GLYATL2: variants seen among roughly 807,000 people sequenced by gnomAD.
GLYATL2 encodes glycine N-acyltransferase-like protein 2.
In GLYATL2, 25 loss-of-function variants were observed where a neutral mutation model predicts 21.4. The observed-to-expected ratio is 1.17, with a 90% CI of 0.85 to 1.63. GLYATL2 has a LOEUF of 1.63. Ranked by LOEUF, GLYATL2 falls within the 40% of genes most tolerant of loss-of-function variation. GLYATL2 has a pLI of 0.00. For synonymous variants in GLYATL2, 114 were observed against 118.2 expected (o/e 0.96, Z 0.23); for missense variants, 361 against 343.3 (o/e 1.05, Z -0.41).
chr11:58,903,721 A>G (rs1854781576), intron 1 of GLYATL2, among the ~76,000 whole-genome samples: 1 of 152,172 alleles, frequency 6.6e-6, no homozygotes, highest in African/African-American at 2.4e-5. Context: ...AATGGCCAAC[A>G]TTACCATCAT....
intron 1 of GLYATL2, among the ~76,000 whole-genome samples, chr11:58,872,643 T>C (rs940722693): frequency 5.9e-5 from 9 of 152,260 alleles, no homozygotes; most frequent in Non-Finnish European, 1.0e-4. Context: ...CATTGATCTA[T>C]GTCTCTGTTT....
At chr11:58,854,442 G>A (rs995959286) in intron 1 of GLYATL2, among the ~76,000 whole-genome samples, 7 of 152,150 alleles carry the variant, frequency 4.6e-5, no homozygotes, top group African/African-American at 1.4e-4. Context: ...GTGTCCAATT[G>A]CATTATGTCT....
Position 58,861,178 on chromosome 11 carries a change from C to T in GLYATL2, n.61-22810G>A, listed in dbSNP as rs576127963. The stretch of plus-strand genomic sequence containing the variant: ...TTTAGAAAGATTGACATTAGTTCTT[C>T]TTTAAATGTTTGGTGGAATTCAGCA... On this transcript the variant is annotated intron_variant and non_coding_transcript_variant, in intron 1 of 4. Coordinates refer to the GLYATL2 transcript ENST00000533636. 2.0e-5 allele frequency among the ~76,000 whole-genome samples: 3 copies of T among 152,120 alleles called. No homozygotes were observed. The East Asian group carries it at 5.8e-4, about 29-fold the overall frequency.
intron 1 of GLYATL2, among the ~76,000 whole-genome samples, chr11:58,891,902 G>A (rs1340740643): frequency 2.6e-5 from 4 of 152,174 alleles, no homozygotes; most frequent in Non-Finnish European, 5.9e-5. Context: ...GTGCAGTTGA[G>A]TGGGTAGAAA....
rs534775079 is a variant in GLYATL2, at chr11:58,840,384, T to C, written c.-40-732A>G. ...ATAATATACTGTATATAAGATATAA[T>C]ACAAAATTCATTATGAAGAAATGAT... On this transcript the variant is annotated intron_variant, in intron 1 of 5. Transcript: ENST00000287275. Among the ~76,000 whole-genome samples, 5 of 152,176 alleles carry C rather than the reference T, an allele frequency of 3.3e-5. No individual in the cohort carries two copies. The South Asian group carries it at 6.2e-4, about 19-fold the overall frequency.
intron 1 of GLYATL2, among the ~76,000 whole-genome samples, chr11:58,902,076 A>G (rs1854749754): frequency 6.6e-6 from 1 of 152,138 alleles, no homozygotes; most frequent in Admixed American, 6.5e-5. Flanking sequence ...TACGGGGTCT[A>G]TATGGGAAGT....
At chr11:58,872,815 T>C (rs1029699852) in intron 1 of GLYATL2, among the ~76,000 whole-genome samples, 2 of 152,394 alleles carry the variant, frequency 1.3e-5, no homozygotes, top group Middle Eastern at 3.4e-3. Flanking sequence ...TTTCCAATTC[T>C]GTGAAGAAAG....
chr11:58,852,943 C>T (rs1382370915), intron 1 of GLYATL2, among the ~76,000 whole-genome samples: 1 of 152,172 alleles, frequency 6.6e-6, no homozygotes, highest in Non-Finnish European at 1.5e-5. Context: ...CAGTGAAGTG[C>T]TTGTAACCAA....
chr11:58,877,256 C>G (rs183167198), intron 1 of GLYATL2, among the ~76,000 whole-genome samples: 235 of 152,308 alleles, frequency 1.5e-3, no homozygotes, highest in African/African-American at 5.5e-3. Context: ...GATGCCTCGC[C>G]CTGCTTTGGC....
intron 1 of GLYATL2, among the ~76,000 whole-genome samples, chr11:58,855,904 A>T (rs993373789): frequency 2.0e-5 from 3 of 152,072 alleles, no homozygotes; most frequent in African/African-American, 7.2e-5. Context: ...TTGGTGGATC[A>T]CCTGAGGTCA....
rs191018733 is a variant in GLYATL2, at chr11:58,880,639, A to G, written n.60+23517T>C. On this transcript the variant is annotated intron_variant and non_coding_transcript_variant, in intron 1 of 4. Transcript: ENST00000533636. Reference sequence around the variant, plus strand: ...CAAAGAAAGCTCTGTTGGAGGTGGGAAAAAAAAAGACCAGGTTTTTTGTTT... The same window carrying G: ...CAAAGAAAGCTCTGTTGGAGGTGGGGAAAAAAAAGACCAGGTTTTTTGTTT... Among the ~76,000 whole-genome samples, 1,415 of 151,726 alleles carry G rather than the reference A, an allele frequency of 9.3e-3. 13 individuals are homozygous for G. The highest frequency in any genetic ancestry group is 0.013 in the Non-Finnish European group (871 of 67,840).
intron 1 of GLYATL2, among the ~76,000 whole-genome samples, chr11:58,854,693 T>TG (rs201019562): frequency 4.5e-4 from 2 of 4,462 alleles, no homozygotes; most frequent in Non-Finnish European, 0.018. Flanking sequence ...TTGTCTGAAA[T>TG]CAAAATGCTA....
chr11:58,884,062 G>A (rs532171226), intron 1 of GLYATL2, among the ~76,000 whole-genome samples: 8 of 152,148 alleles, frequency 5.3e-5, no homozygotes, highest in South Asian at 2.1e-4. Flanking sequence ...TTGATGGGAT[G>A]AATCTCAAAA....
chr11:58,895,484 G>A (rs1854618923), intron 1 of GLYATL2, among the ~76,000 whole-genome samples: 1 of 152,162 alleles, frequency 6.6e-6, no homozygotes, highest in Non-Finnish European at 1.5e-5. Context: ...GATCTAGCAA[G>A]GTAAGTTTCC....
At chr11:58,883,108 T>G (rs1423281590) in intron 1 of GLYATL2, among the ~76,000 whole-genome samples, 1 of 152,242 alleles carries the variant, frequency 6.6e-6, no homozygotes, top group Non-Finnish European at 1.5e-5. Flanking sequence ...ATTGATAGCT[T>G]TATGGGGATG....
upstream of GLYATL2, among the ~76,000 whole-genome samples, chr11:58,845,221 T>G (rs895173420): frequency 6.6e-6 from 1 of 152,202 alleles, no homozygotes; most frequent in Non-Finnish European, 1.5e-5. Flanking sequence ...CCTGGCAATC[T>G]GTATGTTATA....
At chr11:58,897,234 T>G (rs1179478378) in intron 1 of GLYATL2, among the ~76,000 whole-genome samples, 2 of 152,182 alleles carry the variant, frequency 1.3e-5, no homozygotes, top group Non-Finnish European at 2.9e-5. Context: ...AAGGGATGAT[T>G]TCCTCCTTCC....
chr11:58,878,134 C>T (rs1854271580), intron 1 of GLYATL2, among the ~76,000 whole-genome samples: 1 of 152,142 alleles, frequency 6.6e-6, no homozygotes, highest in African/African-American at 2.4e-5. Context: ...TTGTTTTGAC[C>T]ACAAGTCACC....
intron 1 of GLYATL2, among the ~76,000 whole-genome samples, chr11:58,883,043 T>C (rs1429773239): frequency 1.3e-5 from 2 of 152,246 alleles, no homozygotes; most frequent in Admixed American, 1.3e-4. Flanking sequence ...ATGCAGGTTC[T>C]TTTTTGATTG....
Sources: allele counts gnomAD v4.1 joint callset (sites outside exome capture counted in the v4.1 genomes callset), GRCh38; gene constraint gnomAD v4.1.1; transcripts MANE v1.5; gene names NCBI Gene and HGNC (gene_info 2026-07-23, HGNC 2026-07-21).